BMP6: variants seen among roughly 807,000 people sequenced by gnomAD.
BMP6 encodes the protein VG-1-R.
A neutral mutation model predicts 54.1 loss-of-function variants in BMP6; 17 were observed. The observed-to-expected ratio is 0.31, with a 90% CI of 0.22 to 0.47. BMP6 has a LOEUF of 0.47. Ranked by LOEUF, BMP6 falls within the 20% of genes least tolerant of loss-of-function variation. The pLI, the probability that BMP6 is intolerant of heterozygous loss-of-function variation, is 1.00. For missense variants in BMP6, 720 were observed against 690.4 expected, an observed-to-expected ratio of 1.04 and a Z score of -0.48; for synonymous variants, 328 against 291.2, an observed-to-expected ratio of 1.13 and a Z score of -1.28.
intron 1 of BMP6, among the ~76,000 whole-genome samples, chr6:7,790,868 T>G (rs974033325): frequency 1.3e-5 from 2 of 152,236 alleles, no homozygotes; most frequent in Non-Finnish European, 1.5e-5. Flanking sequence ...GGTCAATTTC[T>G]ACTCCCAGCT....
intron 4 of BMP6, among the ~76,000 whole-genome samples, chr6:7,875,919 C>T (rs559897759): frequency 5.3e-5 from 8 of 152,286 alleles, no homozygotes; most frequent in South Asian, 2.1e-4. Flanking sequence ...CACTGGCTGC[C>T]GTACTACCCA....
chr6:7,855,515 A>G (rs1423418811), intron 2 of BMP6, among the ~76,000 whole-genome samples: 1 of 142,994 alleles, frequency 7.0e-6, no homozygotes, highest in African/African-American at 2.6e-5. Context: ...CTGTGTGACC[A>G]TGTGCAAGCC....
intron 1 of BMP6, among the ~76,000 whole-genome samples, chr6:7,835,164 C>A (rs1374381980): frequency 1.3e-5 from 2 of 152,150 alleles, no homozygotes; most frequent in Non-Finnish European, 2.9e-5. Flanking sequence ...GCTCTGTCAC[C>A]CAGGCTGGAG....
At chr6:7,799,073 A>C (rs1310661418) in intron 1 of BMP6, among the ~76,000 whole-genome samples, 1 of 152,210 alleles carries the variant, frequency 6.6e-6, no homozygotes, top group Non-Finnish European at 1.5e-5. Context: ...CTTACTCGAA[A>C]TTTCCAACAT....
rs896626550 is a variant in BMP6, at chr6:7,879,277, C to A, written c.1281+127C>A. The stretch of plus-strand genomic sequence containing the variant: ...TGAGCTGCTTCCTTCTGTGGAAGTC[C>A]TGAGGAGCCCTCCCAAATGCTCAGG... On this transcript the variant is annotated intron_variant, in intron 5 of 6. Transcript: ENST00000283147. 4 of 968,668 alleles carry A rather than the reference C, an allele frequency of 4.1e-6. No individual in the cohort carries two copies. In the African/African-American group the frequency reaches 4.9e-5, roughly 12 times the overall value. 60.0% of individuals were successfully genotyped at this position (968,668 alleles called of 1,614,324 possible).
At chr6:7,735,864 TG>T (rs1451426625) in intron 1 of BMP6, among the ~76,000 whole-genome samples, 2 of 152,242 alleles carry the variant, frequency 1.3e-5, no homozygotes, top group African/African-American at 2.4e-5. Context: ...GCCGAGGAGT[TG>T]TGAAACTACT....
chr6:7,770,922 A>G (rs1267731942), intron 1 of BMP6, among the ~76,000 whole-genome samples: 3 of 152,204 alleles, frequency 2.0e-5, no homozygotes, highest in Admixed American at 1.3e-4. Flanking sequence ...GGGCATCAGG[A>G]TTTTGTAAAC....
chr6:7,794,258 C>A (rs1464997742), intron 1 of BMP6, among the ~76,000 whole-genome samples: 1 of 152,122 alleles, frequency 6.6e-6, no homozygotes, highest in Non-Finnish European at 1.5e-5. Flanking sequence ...CCATTTGGTT[C>A]TCTTGTTCTG....
intron 1 of BMP6, among the ~76,000 whole-genome samples, chr6:7,770,560 A>G (rs1311612233): frequency 1.3e-5 from 2 of 152,192 alleles, no homozygotes; most frequent in African/African-American, 2.4e-5. Context: ...AGATGTAAAT[A>G]TGTGTACTTG....
intron 2 of BMP6, among the ~76,000 whole-genome samples, chr6:7,861,018 T>C (rs892245105): frequency 3.3e-5 from 5 of 151,026 alleles, no homozygotes; most frequent in African/African-American, 9.7e-5. Flanking sequence ...TTTTAAAACA[T>C]AATAGAAGTA....
chr6:7,778,059 G>T (rs1247215690), intron 1 of BMP6, among the ~76,000 whole-genome samples: 1 of 152,122 alleles, frequency 6.6e-6, no homozygotes, highest in Non-Finnish European at 1.5e-5. Flanking sequence ...GCATCTCCCT[G>T]GAGAGGGAGA....
chr6:7,801,695 G>T (rs1319259664), intron 1 of BMP6, among the ~76,000 whole-genome samples: 2 of 152,224 alleles, frequency 1.3e-5, no homozygotes, highest in Non-Finnish European at 2.9e-5. Context: ...AAATTGGGGT[G>T]GGTGGGAAGC....
chr6:7,856,120 T>TAAAAAAAA lies in BMP6; in HGVS notation c.858-5314_858-5307dup, dbSNP rs56264814. 9.1e-4 allele frequency among the ~76,000 whole-genome samples: 76 copies of TAAAAAAAA among 83,652 alleles called. 2 individuals carry two copies. Among genetic ancestry groups the TAAAAAAAA allele is most frequent in the East Asian group, 5.8e-3 (11 of 1,904 alleles). The allele number at this position is 83,652 out of a possible 152,430, so 54.9% of individuals were successfully genotyped here. On this transcript the variant is annotated intron_variant, in intron 2 of 6. Transcript: ENST00000283147. Reference sequence around the variant, plus strand: ...GAAAATTGAGTAATATCAAAGACTGTAAAAAAAAAAAAAAAAAAAAAAAAT... The same window carrying TAAAAAAAA: ...GAAAATTGAGTAATATCAAAGACTGTAAAAAAAAAAAAAAAAAAAAAAAAAAAAAAAAT...
At chr6:7,864,732 G>A (rs1759392607) in intron 4 of BMP6, among the ~76,000 whole-genome samples, 1 of 152,198 alleles carries the variant, frequency 6.6e-6, no homozygotes, top group African/African-American at 2.4e-5. Flanking sequence ...TCATCCTGGT[G>A]TTTCTCGGAA....
At chr6:7,835,360 A>C (rs1253795810) in intron 1 of BMP6, among the ~76,000 whole-genome samples, 2 of 152,140 alleles carry the variant, frequency 1.3e-5, no homozygotes, top group East Asian at 3.8e-4. Flanking sequence ...GATCCGCCCA[A>C]AGTGCTGAGA....
chr6:7,743,863 C>T (rs1006567614), intron 1 of BMP6, among the ~76,000 whole-genome samples: 1 of 152,180 alleles, frequency 6.6e-6, no homozygotes, highest in African/African-American at 2.4e-5. Flanking sequence ...AAACTCTTAC[C>T]TAAGTGCTTT....
At chr6:7,790,514 C>CAAAAAAAAAA (rs35572440) in intron 1 of BMP6, among the ~76,000 whole-genome samples, 4 of 73,504 alleles carry the variant, frequency 5.4e-5, no homozygotes, top group African/African-American at 6.9e-5. Context: ...GACCCTGTCT[C>CAAAAAAAAAA]AAAAAAAAAA....
At chr6:7,731,444 T>C (rs759655891) in intron 1 of BMP6, among the ~76,000 whole-genome samples, 10 of 152,220 alleles carry the variant, frequency 6.6e-5, no homozygotes, top group Admixed American at 3.3e-4. Flanking sequence ...CTTGTACTTA[T>C]CACAAGTTTT....
At chr6:7,829,073 T>C (rs1252710490) in intron 1 of BMP6, among the ~76,000 whole-genome samples, 2 of 152,234 alleles carry the variant, frequency 1.3e-5, no homozygotes. Flanking sequence ...TCAGTTACTT[T>C]TAACTTTCAA....
Sources: gnomAD v4.1 joint callset for allele counts (sites outside exome capture counted in the v4.1 genomes callset) on GRCh38, gnomAD v4.1.1 for gene constraint, MANE v1.5 for transcripts, NCBI Gene and HGNC (gene_info 2026-07-23, HGNC 2026-07-21) for gene names.